Variants in TENM2 observed in about 807,000 individuals in gnomAD.
The protein encoded by TENM2 is teneurin-2.
TENM2 carries 52 observed loss-of-function variants against 245.2 expected under a neutral mutation model. The ratio of observed to expected loss-of-function variants is 0.21; its 90% CI spans 0.17 to 0.27. The LOEUF is 0.27. Among genes scored for constraint, TENM2 ranks in the 10% least tolerant of loss-of-function variants. TENM2 has a pLI of 1.00. For missense variants in TENM2, 3,046 were observed against 3,666.8 expected, an observed-to-expected ratio of 0.83 and a Z score of 4.37; for synonymous variants, 1,363 against 1,438.9, an observed-to-expected ratio of 0.95 and a Z score of 1.19.
chr5:167,186,227 A>G, the TENM2 span, among the ~76,000 whole-genome samples: 1 of 152,172 alleles, frequency 6.6e-6, no homozygotes, highest in African/African-American at 2.4e-5. Context: ...TCACTAAAAC[A>G]TTTCAACAAA....
chr5:168,125,683 A>T (rs551261717), intron 11 of TENM2, among the ~76,000 whole-genome samples: 3 of 152,064 alleles, frequency 2.0e-5, no homozygotes, highest in South Asian at 4.1e-4. Context: ...TGCCATGGCA[A>T]TCAGGAAGGG....
chr5:167,506,020 A>T (rs951860917), intron 2 of TENM2, among the ~76,000 whole-genome samples: 11 of 139,312 alleles, frequency 7.9e-5, no homozygotes, highest in Admixed American at 2.5e-4. Flanking sequence ...ATGTTTAATT[A>T]AAAAAAAAAT....
At chr5:167,658,019 C>T (rs946477799) in intron 2 of TENM2, among the ~76,000 whole-genome samples, 1 of 152,176 alleles carries the variant, frequency 6.6e-6, no homozygotes, top group African/African-American at 2.4e-5. Flanking sequence ...TTATTGCATG[C>T]TTGTCTTAGT....
chr5:167,175,091 C>T, the TENM2 span, among the ~76,000 whole-genome samples: 358 of 152,220 alleles, frequency 2.4e-3, 3 homozygotes, highest in African/African-American at 8.2e-3. Flanking sequence ...CAGGCATTGA[C>T]GTCGTTTCTC....
chr5:167,301,231 G>A (rs1755307192), intron 1 of TENM2, among the ~76,000 whole-genome samples: 1 of 152,210 alleles, frequency 6.6e-6, no homozygotes, highest in African/African-American at 2.4e-5. Context: ...GGGAGTGGAT[G>A]CCAGGTGAGT....
intron 1 of TENM2, chr5:167,306,257 C>A (rs544775599): frequency 6.6e-6 from 1 of 152,264 alleles, no homozygotes; most frequent in Admixed American, 6.5e-5. Context: ...AGATCGTGGC[C>A]CTTTTCCGTA....
At chr5:167,159,213 G>A in the TENM2 span, among the ~76,000 whole-genome samples, 2 of 151,968 alleles carry the variant, frequency 1.3e-5, no homozygotes, top group South Asian at 4.2e-4. Context: ...AAAGTGCTGG[G>A]ATTACAGGCG....
At chr5:167,722,339 A>G (rs1049260266) in intron 2 of TENM2, among the ~76,000 whole-genome samples, 3 of 152,248 alleles carry the variant, frequency 2.0e-5, no homozygotes, top group African/African-American at 7.2e-5. Context: ...TGCTATGGTC[A>G]GAATAAAGAG....
intron 5 of TENM2, among the ~76,000 whole-genome samples, chr5:168,043,669 C>A (rs1326083783): frequency 6.6e-6 from 1 of 152,214 alleles, no homozygotes; most frequent in Non-Finnish European, 1.5e-5. Context: ...CAATCCCAAA[C>A]TCTCAGTGGC....
chr5:167,127,626 T>A, the TENM2 span, among the ~76,000 whole-genome samples: 405 of 148,966 alleles, frequency 2.7e-3, 3 homozygotes, highest in African/African-American at 9.7e-3. Flanking sequence ...TTTTTTTTTT[T>A]TTAAAAAAAA....
At chr5:167,102,689 C>T in the TENM2 span, among the ~76,000 whole-genome samples, 5 of 152,190 alleles carry the variant, frequency 3.3e-5, no homozygotes, top group African/African-American at 1.2e-4. Context: ...GACATAGCCT[C>T]GCTCTGTTGC....
intron 4 of TENM2, among the ~76,000 whole-genome samples, chr5:167,961,532 G>T (rs1408585505): frequency 6.6e-6 from 1 of 152,208 alleles, no homozygotes; most frequent in African/African-American, 2.4e-5. Flanking sequence ...AGGAAGGAAA[G>T]AAAGGGAAGA....
At chr5:167,405,657 T>C (rs13182244) in intron 2 of TENM2, among the ~76,000 whole-genome samples, 101,277 of 151,504 alleles carry the variant, frequency 0.67, 34,369 homozygotes, top group Admixed American at 0.74. Context: ...CAAAGCTCCA[T>C]GAGAACTGTT....
At chr5:167,351,889 G>T (rs935265293) in intron 1 of TENM2, among the ~76,000 whole-genome samples, 2 of 151,972 alleles carry the variant, frequency 1.3e-5, no homozygotes, top group Non-Finnish European at 2.9e-5. Context: ...CAAACCACTG[G>T]ATGAAATTGC....
At chr5:167,452,248 A>G (rs1193289402) in intron 2 of TENM2, among the ~76,000 whole-genome samples, 1 of 152,156 alleles carries the variant, frequency 6.6e-6, no homozygotes, top group African/African-American at 2.4e-5. Flanking sequence ...TTACAAATGT[A>G]TGTTTATTGA....
At chr5:167,378,046 A>G (rs200781870) in intron 2 of TENM2, among the ~76,000 whole-genome samples, 1 of 152,168 alleles carries the variant, frequency 6.6e-6, no homozygotes, top group South Asian at 2.1e-4. Flanking sequence ...GTGGGGTTCC[A>G]TATGTTTTAA....
chr5:167,801,762 T>C (rs1765794837), intron 2 of TENM2, among the ~76,000 whole-genome samples: 1 of 152,080 alleles, frequency 6.6e-6, no homozygotes, highest in Non-Finnish European at 1.5e-5. Context: ...GGTAGAGATA[T>C]GACACTTGGG....
intron 12 of TENM2, among the ~76,000 whole-genome samples, chr5:168,138,016 A>G (rs534411942): frequency 6.0e-5 from 9 of 150,752 alleles, no homozygotes; most frequent in African/African-American, 1.9e-4. Context: ...CAAACTCTCA[A>G]TCATCTCCCA....
At position 167,894,988 on chromosome 5, in the gene TENM2, A is replaced by AGGAG. The variant is rs1554140158; in HGVS notation, c.712+18797_712+18800dup. On this transcript the variant is annotated intron_variant, in intron 3 of 28. Coordinates refer to ENST00000518659, the Ensembl canonical transcript of TENM2. ...AAGGAAGGAAGGAAGGAAGGAAGGA[A>AGGAG]GGAGGGAAGGAAGGAAGGAAGGGAG... is the stretch of plus-strand genomic sequence containing the variant. Among the ~76,000 whole-genome samples, 517 of 106,410 alleles carry AGGAG rather than the reference A, an allele frequency of 4.9e-3. 4 individuals are homozygous for AGGAG. The highest frequency in any genetic ancestry group is 5.9e-3 in the Admixed American group (50 of 8,536). The allele number at this position is 106,410 out of a possible 152,430, so 69.8% of individuals were successfully genotyped here. A position where few individuals can be genotyped will look rare whatever the true frequency, so the allele number is the denominator to read the frequency against.
Sources: gnomAD v4.1 joint callset for allele counts (sites outside exome capture counted in the v4.1 genomes callset) on GRCh38, gnomAD v4.1.1 for gene constraint, MANE v1.5 for transcripts, NCBI Gene and HGNC (gene_info 2026-07-23, HGNC 2026-07-21) for gene names.